Variants in PRDM16 observed in about 807,000 individuals in gnomAD.
The protein encoded by PRDM16 is histone-lysine N-methyltransferase PRDM16.
In PRDM16, 23 loss-of-function variants were observed where a neutral mutation model predicts 110.6. The ratio of observed to expected loss-of-function variants is 0.21; its 90% CI spans 0.15 to 0.29. The LOEUF is 0.29. PRDM16 is among the 10% of genes least tolerant of loss of function. The pLI is 1.00. For missense variants in PRDM16, 1,615 were observed against 1,794.3 expected, an observed-to-expected ratio of 0.90 and a Z score of 1.81; for synonymous variants, 799 against 781.8, an observed-to-expected ratio of 1.02 and a Z score of -0.37.
chr1:3,285,425 C>T (rs1290789556), intron 3 of PRDM16, among the ~76,000 whole-genome samples: 4 of 152,204 alleles, frequency 2.6e-5, no homozygotes, highest in African/African-American at 9.6e-5. Context: ...GCAAAGCATT[C>T]CCAGGCCACT....
At chr1:3,096,158 T>G (rs1570242408) in intron 1 of PRDM16, among the ~76,000 whole-genome samples, 1 of 152,080 alleles carries the variant, frequency 6.6e-6, no homozygotes, top group East Asian at 1.9e-4. Context: ...AAGGCCCCGG[T>G]GCTTTGAACC....
At chr1:3,374,814 C>G (rs1288478708) in intron 3 of PRDM16, among the ~76,000 whole-genome samples, 1 of 152,236 alleles carries the variant, frequency 6.6e-6, no homozygotes, top group Non-Finnish European at 1.5e-5. Flanking sequence ...GCTTGTACTT[C>G]TTGACTATCC....
rs1360298417 is a variant in PRDM16, at chr1:3,412,637, A to T, written c.2440A>T (p.Ser814Cys). The T allele has an allele frequency of 6.4e-7, 1 of 1,572,680 alleles. No individual in the cohort carries two copies. Residue 814 changes from serine to cysteine, a missense_variant, in exon 9 of 17, where the codon AGC (serine) becomes TGC (cysteine). By Grantham distance (112) the Ser-to-Cys change is moderately radical. Around this residue, in one of 5 missense-constraint regions of PRDM16, gnomAD observed 772 missense variants for 748.3 expected, o/e 1.03. Transcript: ENST00000270722. ...DLSIGSRARA[S>C]QNGGGREPRK... Reference sequence around the variant, plus strand: ...GAGCATCGGCAGCCGGGCCCGTGCCAGCCAAAACGGCGGCGGGCGGGAGCC... The same window carrying T: ...GAGCATCGGCAGCCGGGCCCGTGCCTGCCAAAACGGCGGCGGGCGGGAGCC...
intron 3 of PRDM16, among the ~76,000 whole-genome samples, chr1:3,297,357 C>T (rs946797400): frequency 4.7e-5 from 7 of 149,782 alleles, no homozygotes; most frequent in East Asian, 3.9e-4. Context: ...GATCTTGGCT[C>T]GCTGCAACCT....
chr1:3,425,737 C>T lies in PRDM16; in HGVS notation c.3096C>T (p.His1032=), dbSNP rs368589766. Reference sequence around the variant, plus strand: ...ACCGGCACCTCAAGAAGCACGAGCACGAGAACGCACCAGGTGGGCCACGCG... The same window carrying T: ...ACCGGCACCTCAAGAAGCACGAGCATGAGAACGCACCAGGTGGGCCACGCG... The part of the protein sequence containing the change: ...NLDRHLKKHE[H]ENAPVSQHPG... The change falls in exon 13 of 17, where the codon CAC becomes CAT. Residue 1032 remains histidine (H), a synonymous_variant. Transcript: ENST00000270722. The surrounding 1 kb of genome is among the most constrained non-coding windows in gnomAD (Gnocchi z 6.9). The T allele has an allele frequency of 8.1e-6, 13 of 1,613,482 alleles. No individual in the cohort carries two copies. Among genetic ancestry groups the T allele is most frequent in the African/African-American group, 2.7e-5 (2 of 74,922 alleles).
intron 3 of PRDM16, among the ~76,000 whole-genome samples, chr1:3,280,064 A>G (rs1254260704): frequency 1.3e-5 from 2 of 151,664 alleles, no homozygotes; most frequent in Non-Finnish European, 2.9e-5. Flanking sequence ...AAAAAAAAAC[A>G]TTTAAATAAG....
intron 12 of PRDM16, among the ~76,000 whole-genome samples, chr1:3,423,433 G>A (rs759934235): frequency 2.0e-4 from 31 of 152,060 alleles, no homozygotes; most frequent in Non-Finnish European, 3.1e-4. Flanking sequence ...AGACTCCCTC[G>A]CCAGGCTTTT....
chr1:3,137,386 A>G (rs1643461747), intron 1 of PRDM16, among the ~76,000 whole-genome samples: 1 of 152,144 alleles, frequency 6.6e-6, no homozygotes, highest in East Asian at 1.9e-4. Flanking sequence ...AAGCCTCATC[A>G]TGTGTGAGAG....
chr1:3,106,580 G>C (rs902161985), intron 1 of PRDM16, among the ~76,000 whole-genome samples: 1 of 152,222 alleles, frequency 6.6e-6, no homozygotes, highest in Non-Finnish European at 1.5e-5. Flanking sequence ...TGGGGCTTGG[G>C]GAGTTGTGGT....
At position 3,244,682 on chromosome 1, in the gene PRDM16, A is replaced by G. The variant is rs1046844492; in HGVS notation, c.438+545A>G. On this transcript the variant is annotated intron_variant, in intron 3 of 16. Coordinates refer to ENST00000270722, the MANE Select transcript of PRDM16 (RefSeq NM_022114.4). This position sits in a 1 kb window ranked among gnomAD's most constrained non-coding sequence, Gnocchi z 4.1. The stretch of plus-strand genomic sequence containing the variant: ...GGATAACGGCTGGTGGACAAACATT[A>G]GGTCTAACAGATCCAGAGGGAGAAC... 6.6e-6 allele frequency among the ~76,000 whole-genome samples: 1 copy of G among 152,146 alleles called. No individual in the cohort carries two copies. The highest frequency in any genetic ancestry group is 1.5e-5 in the Non-Finnish European group (1 of 68,030).
intron 4 of PRDM16, among the ~76,000 whole-genome samples, chr1:3,394,884 C>T (rs1444360637): frequency 2.0e-5 from 3 of 150,884 alleles, no homozygotes; most frequent in Non-Finnish European, 4.4e-5. Context: ...AAACTGGGGT[C>T]CTAATAATAA....
Position 3,081,224 on chromosome 1 carries a change from C to T in PRDM16, c.37+11928C>T, listed in dbSNP as rs899105290. ...ATTGAATCTCATCTGCTAATTACGG[C>T]GGCGGGACTTGGGTTCGAGGCCCCT... On this transcript the variant is annotated intron_variant, in intron 1 of 16. Transcript: ENST00000270722. This position sits in a 1 kb window ranked among gnomAD's most constrained non-coding sequence, Gnocchi z 4.6. 1.3e-5 allele frequency among the ~76,000 whole-genome samples: 2 copies of T among 152,226 alleles called. No homozygotes were observed. Among genetic ancestry groups the T allele is most frequent in the East Asian group, 1.9e-4 (1 of 5,196 alleles).
At chr1:3,154,937 T>G (rs1190230558) in intron 1 of PRDM16, among the ~76,000 whole-genome samples, 1 of 152,180 alleles carries the variant, frequency 6.6e-6, no homozygotes, top group East Asian at 1.9e-4. Flanking sequence ...TTGGTTCATG[T>G]GGGTGAATGG....
At chr1:3,302,491 A>G (rs530355806) in intron 3 of PRDM16, among the ~76,000 whole-genome samples, 1 of 134,186 alleles carries the variant, frequency 7.5e-6, no homozygotes, top group Non-Finnish European at 1.6e-5. Context: ...CATTGTTGCC[A>G]CAAAGTATCC....
intron 3 of PRDM16, among the ~76,000 whole-genome samples, chr1:3,305,258 T>C (rs1641287509): frequency 6.6e-6 from 1 of 152,130 alleles, no homozygotes; most frequent in South Asian, 2.1e-4. Context: ...AATAACAAAA[T>C]GTCAGCCGCA....
intron 4 of PRDM16, among the ~76,000 whole-genome samples, chr1:3,386,262 G>A (rs899744547): frequency 7.9e-5 from 12 of 152,122 alleles, no homozygotes; most frequent in African/African-American, 2.9e-4. Flanking sequence ...GGATCCCATG[G>A]CTGTGAAAAA....
intron 1 of PRDM16, among the ~76,000 whole-genome samples, chr1:3,117,274 G>A (rs1203790178): frequency 6.6e-6 from 1 of 152,206 alleles, no homozygotes; most frequent in African/African-American, 2.4e-5. Flanking sequence ...TGGGGACCGG[G>A]AGTGCTGGCC....
chr1:3,198,649 C>T (rs887488529), intron 2 of PRDM16, among the ~76,000 whole-genome samples: 2 of 152,194 alleles, frequency 1.3e-5, no homozygotes, highest in East Asian at 1.9e-4. Flanking sequence ...CAGCAGCAGC[C>T]GCCCAGGAGC....
At chr1:3,106,129 T>G (rs1642646241) in intron 1 of PRDM16, among the ~76,000 whole-genome samples, 1 of 146,546 alleles carries the variant, frequency 6.8e-6, no homozygotes, top group African/African-American at 2.5e-5. Flanking sequence ...ACCTAGCACA[T>G]GTGGATGGAG....
Sources: gnomAD v4.1 joint callset for allele counts (sites outside exome capture counted in the v4.1 genomes callset) on GRCh38, gnomAD v4.1.1 for gene constraint, gnomAD v4.1.1 regional missense constraint, Gnocchi (gnomAD v3.1) non-coding constraint, MANE v1.5 for transcripts, NCBI Gene and HGNC (gene_info 2026-07-23, HGNC 2026-07-21) for gene names.